The following TRAPPC12 variants were observed in gnomAD, a reference collection of about 807,000 sequenced individuals.
TRAPPC12 encodes trafficking protein particle complex subunit 12.
In TRAPPC12, 61 loss-of-function variants were observed where a neutral mutation model predicts 69.2. That is an observed-to-expected ratio of 0.88 (90% CI 0.72 to 1.09). TRAPPC12 has a LOEUF of 1.09. Ranked by LOEUF, TRAPPC12 falls within the 50% of genes least tolerant of loss-of-function variation. The pLI, the probability that TRAPPC12 is intolerant of heterozygous loss-of-function variation, is 0.00. For missense variants in TRAPPC12, 1,101 were observed against 1,016.4 expected, an observed-to-expected ratio of 1.08 and a Z score of -1.13; for synonymous variants, 469 against 438.9, an observed-to-expected ratio of 1.07 and a Z score of -0.86.
At chr2:3,416,207 A>C (rs77623254) in intron 3 of TRAPPC12, among the ~76,000 whole-genome samples, 14,405 of 152,152 alleles carry the variant, frequency 0.095, 921 homozygotes, top group Middle Eastern at 0.26. Context: ...TAAGTGAGGG[A>C]GTGACTGGGT....
chr2:3,400,418 A>G (rs1372528905), intron 2 of TRAPPC12, among the ~76,000 whole-genome samples: 1 of 151,534 alleles, frequency 6.6e-6, no homozygotes, highest in South Asian at 2.1e-4. Flanking sequence ...CTGGCGTTTC[A>G]GGGACCTCAG....
chr2:3,477,367 A>G lies in TRAPPC12; in HGVS notation c.1777-328A>G, dbSNP rs187227116. ...ATTATACCAATATTTTAAGTATTTT[A>G]TGTTTCATCTTATTAGTTATTCATT... On this transcript the variant is annotated intron_variant, in intron 9 of 11. Transcript: ENST00000324266. Among the ~76,000 whole-genome samples the G allele has an allele frequency of 2.0e-5, 3 of 152,358 alleles. No individual in the cohort carries two copies. In the East Asian group the frequency reaches 5.8e-4, roughly 29 times the overall value.
intron 7 of TRAPPC12, 48 bp downstream of exon 7, chr2:3,457,741 A>G (rs766428588): frequency 1.3e-5 from 21 of 1,602,140 alleles, no homozygotes; most frequent in Non-Finnish European, 1.6e-5. Context: ...GACATCACTG[A>G]CAGACTGAGC....
At chr2:3,417,582 G>T (rs999637271) in intron 3 of TRAPPC12, among the ~76,000 whole-genome samples, 1 of 152,160 alleles carries the variant, frequency 6.6e-6, no homozygotes, top group South Asian at 2.1e-4. Flanking sequence ...CCTCTTCGTC[G>T]GCCTTGTGTC....
At chr2:3,462,833 C>T (rs1404021158) in intron 8 of TRAPPC12, 1 of 449,538 alleles carries the variant, frequency 2.2e-6, no homozygotes. Context: ...CCTGGGAGGC[C>T]ACTTCCCTCC....
chr2:3,469,501 G>C (rs901823022), intron 9 of TRAPPC12, among the ~76,000 whole-genome samples: 9 of 152,200 alleles, frequency 5.9e-5, no homozygotes, highest in Admixed American at 2.0e-4. Context: ...GTAGTACAGG[G>C]AATCTTCATG....
intron 2 of TRAPPC12, among the ~76,000 whole-genome samples, chr2:3,397,089 G>A (rs976337152): frequency 6.6e-5 from 10 of 152,212 alleles, no homozygotes; most frequent in South Asian, 2.1e-4. Context: ...TCTTAGTTAC[G>A]GGACACATGT....
At chr2:3,395,277 C>T (rs867886122) in intron 2 of TRAPPC12, among the ~76,000 whole-genome samples, 3 of 152,188 alleles carry the variant, frequency 2.0e-5, no homozygotes, top group Admixed American at 1.3e-4. Flanking sequence ...GATATGTAGA[C>T]GGTTTGTATA....
At chr2:3,396,300 A>G (rs1661129691) in intron 2 of TRAPPC12, among the ~76,000 whole-genome samples, 1 of 150,418 alleles carries the variant, frequency 6.6e-6, no homozygotes, top group Non-Finnish European at 1.5e-5. Context: ...TGACTTGCAT[A>G]GTTTCTGATG....
chr2:3,468,475 G>A lies in TRAPPC12; in HGVS notation c.1776+2780G>A, dbSNP rs1665922373. Among the ~76,000 whole-genome samples, 5 of 151,894 alleles carry A rather than the reference G, an allele frequency of 3.3e-5. No homozygotes were observed. The South Asian group carries it at 1.0e-3, about 32-fold the overall frequency. On this transcript the variant is annotated intron_variant, in intron 9 of 11. Coordinates refer to ENST00000324266, the MANE Select transcript of TRAPPC12 (RefSeq NM_016030.6). ...GCAGTCATCATCGTCGTGTGTAGAT[G>A]ATAAAGTTTATCCATGTGAAATCCT...
chr2:3,411,925 A>G (rs1572116741), intron 3 of TRAPPC12, among the ~76,000 whole-genome samples: 1 of 152,168 alleles, frequency 6.6e-6, no homozygotes, highest in Non-Finnish European at 1.5e-5. Flanking sequence ...CCTGACTTGT[A>G]TCTTTTTTTA....
chr2:3,403,290 T>C (rs183543222), intron 3 of TRAPPC12, among the ~76,000 whole-genome samples: 5,309 of 145,288 alleles, frequency 0.037, 140 homozygotes, highest in Non-Finnish European at 0.057. Context: ...TGGAGTGCAA[T>C]GGCGTGATCT....
intron 9 of TRAPPC12, among the ~76,000 whole-genome samples, chr2:3,472,856 G>A (rs1666123838): frequency 6.6e-6 from 1 of 152,158 alleles, no homozygotes; most frequent in Admixed American, 6.5e-5. Flanking sequence ...GACAACCAGG[G>A]ACCAGGGTCA....
intron 6 of TRAPPC12, among the ~76,000 whole-genome samples, chr2:3,446,667 G>T (rs1408790716): frequency 6.6e-6 from 1 of 152,242 alleles, no homozygotes; most frequent in Non-Finnish European, 1.5e-5. Flanking sequence ...TGAACAGTGG[G>T]CACTGCGGGG....
At chr2:3,404,178 G>A (rs952742188) in intron 3 of TRAPPC12, among the ~76,000 whole-genome samples, 2 of 152,232 alleles carry the variant, frequency 1.3e-5, no homozygotes, top group Admixed American at 6.5e-5. Flanking sequence ...GGGCCTTTCC[G>A]AAGCATGGGT....
At chr2:3,447,448 T>C (rs1224869974) in intron 6 of TRAPPC12, among the ~76,000 whole-genome samples, 2 of 152,078 alleles carry the variant, frequency 1.3e-5, no homozygotes, top group Non-Finnish European at 2.9e-5. Context: ...GTGTGTCACA[T>C]GGTGAGAAAG....
At chr2:3,418,320 T>C (rs1329297062) in intron 3 of TRAPPC12, among the ~76,000 whole-genome samples, 1 of 150,554 alleles carries the variant, frequency 6.6e-6, no homozygotes, top group Non-Finnish European at 1.5e-5. Flanking sequence ...TTGTTATCAC[T>C]GCATGCCATA....
intron 4 of TRAPPC12, among the ~76,000 whole-genome samples, chr2:3,422,509 C>T (rs1022986802): frequency 6.6e-6 from 1 of 152,234 alleles, no homozygotes; most frequent in African/African-American, 2.4e-5. Flanking sequence ...CAGCTGCAAA[C>T]GTTGATACAT....
chr2:3,383,581 A>T (rs1190542919), intron 1 of TRAPPC12, among the ~76,000 whole-genome samples: 1 of 151,700 alleles, frequency 6.6e-6, no homozygotes, highest in Non-Finnish European at 1.5e-5. Flanking sequence ...TAATTTTTGT[A>T]TTTTTAGTAG....
Sources: gnomAD v4.1 joint callset for allele counts (sites outside exome capture counted in the v4.1 genomes callset) on GRCh38, gnomAD v4.1.1 for gene constraint, MANE v1.5 for transcripts, NCBI Gene and HGNC (gene_info 2026-07-23, HGNC 2026-07-21) for gene names.